The following CLIP1 variants were observed in gnomAD, a reference collection of about 807,000 sequenced individuals.
CLIP1 encodes the protein CAP-Gly domain-containing linker protein 1.
Under a neutral mutation model 161.6 loss-of-function variants are expected in CLIP1, and 66 were observed. That is an observed-to-expected ratio of 0.41 (90% CI 0.33 to 0.50). The LOEUF (loss-of-function observed/expected upper bound fraction) is 0.50. Among genes scored for constraint, CLIP1 ranks in the 20% least tolerant of loss-of-function variants. The pLI, the probability that CLIP1 is intolerant of heterozygous loss-of-function variation, is 0.27. For synonymous variants in CLIP1, 598 were observed against 626.2 expected (o/e 0.96, Z 0.67); for missense variants, 1,376 against 1,702.0 (o/e 0.81, Z 3.37).
At chr12:122,389,758 C>CAAAAAA (rs57168188) in intron 1 of CLIP1, among the ~76,000 whole-genome samples, 1,761 of 68,760 alleles carry the variant, frequency 0.026, 222 homozygotes, top group Non-Finnish European at 0.031. Context: ...GATCCTGTCT[C>CAAAAAA]AAAAAAAAAA....
At chr12:122,373,790 C>CA (rs1307376896) in intron 3 of CLIP1, among the ~76,000 whole-genome samples, 2 of 151,998 alleles carry the variant, frequency 1.3e-5, no homozygotes, top group African/African-American at 4.8e-5. Context: ...ACAAGTGCCC[C>CA]AAATCTACAG....
At chr12:122,294,686 C>G (rs1950402395) in intron 20 of CLIP1, among the ~76,000 whole-genome samples, 2 of 151,804 alleles carry the variant, frequency 1.3e-5, no homozygotes, top group Admixed American at 6.6e-5. Context: ...TACAATGAGT[C>G]AAGACTGCAC....
intron 8 of CLIP1, 80 bp downstream of exon 8, chr12:122,352,646 A>T: frequency 3.1e-6 from 4 of 1,296,894 alleles, no homozygotes; most frequent in Non-Finnish European, 4.5e-6. Flanking sequence ...CTGGCCGCTC[A>T]TTTCAATTGG....
chr12:122,343,140 T>G lies in CLIP1; in HGVS notation c.1507-1443A>C, dbSNP rs551085720. 356 of 140,296 alleles carry G rather than the reference T, an allele frequency of 2.5e-3. 1 individual carries two copies. The highest frequency in any genetic ancestry group is 9.3e-3 in the African/African-American group (334 of 36,012). 8.7% of individuals were successfully genotyped at this position (140,296 alleles called of 1,614,324 possible). A position where few individuals can be genotyped will look rare whatever the true frequency, so the allele number is the denominator to read the frequency against. On this transcript the variant is annotated intron_variant, in intron 10 of 25. Transcript: ENST00000620786. The stretch of plus-strand genomic sequence containing the variant: ...GAATGAAGAATTAATTTACTAAACT[T>G]TTTTTTTTTTTTTTTTTGAGATGGA...
chr12:122,380,680 A>G (rs1212124007), intron 1 of CLIP1, 122 bp from the exon 2 acceptor site: 1 of 350,114 alleles, frequency 2.9e-6, no homozygotes. Flanking sequence ...GGCTGAACCT[A>G]GGAACCTAGA....
At chr12:122,383,036 T>C (rs945575004) in intron 1 of CLIP1, among the ~76,000 whole-genome samples, 1 of 152,158 alleles carries the variant, frequency 6.6e-6, no homozygotes, top group African/African-American at 2.4e-5. Flanking sequence ...TAGAAGGGAT[T>C]GGCCAAGTCT....
chr12:122,384,866 C>T (rs935972720), intron 1 of CLIP1, among the ~76,000 whole-genome samples: 1 of 150,492 alleles, frequency 6.6e-6, no homozygotes, highest in Non-Finnish European at 1.5e-5. Flanking sequence ...AAGAAGATAC[C>T]TAAATTCAAC....
chr12:122,422,323 C>T (rs1956978892), intron 1 of CLIP1, among the ~76,000 whole-genome samples, 198 bp downstream of exon 1: 1 of 151,660 alleles, frequency 6.6e-6, no homozygotes, highest in Admixed American at 6.6e-5. Context: ...CCCCAGGGAC[C>T]CCCGGCCTCC....
rs1432832507 is a variant in CLIP1 at position 122,271,834 on chromosome 12, A to C, written c.*1041T>G. ...GAATTTCTCATCGTACATTCATCTA[A>C]AAACAGTAAAAAAACTTGTGAAGGG... On this transcript the variant is annotated 3_prime_UTR_variant, in exon 26 of 26. Coordinates refer to ENST00000620786, the MANE Select transcript of CLIP1 (RefSeq NM_001247997.2). 1 of 152,654 alleles carries C rather than the reference A, an allele frequency of 6.6e-6. No individual in the cohort carries two copies. The highest frequency in any genetic ancestry group is 1.9e-4 in the East Asian group (1 of 5,200). The allele number at this position is 152,654 out of a possible 1,614,324, so 9.5% of individuals were successfully genotyped here. A position where few individuals can be genotyped will look rare whatever the true frequency, so the allele number is the denominator to read the frequency against.
intron 3 of CLIP1, among the ~76,000 whole-genome samples, chr12:122,370,093 G>A (rs548934083): frequency 6.6e-6 from 1 of 151,490 alleles, no homozygotes; most frequent in Non-Finnish European, 1.5e-5. Flanking sequence ...AGCCCTGTAG[G>A]CAGAGGGTGC....
At chr12:122,379,735 G>C (rs1002882758) in intron 2 of CLIP1, among the ~76,000 whole-genome samples, 2 of 151,800 alleles carry the variant, frequency 1.3e-5, no homozygotes, top group Admixed American at 1.3e-4. Flanking sequence ...CTTGAGGTCA[G>C]GAGTTCAAGA....
chr12:122,281,330 T>C (rs186236691), intron 21 of CLIP1, among the ~76,000 whole-genome samples: 2 of 152,210 alleles, frequency 1.3e-5, no homozygotes, highest in African/African-American at 4.8e-5. Context: ...ATGAAAGGAA[T>C]GTACAGGTGC....
At chr12:122,328,449 G>C in intron 15 of CLIP1, 23 bp from the exon 16 acceptor site, 1 of 1,441,524 alleles carries the variant, frequency 6.9e-7, no homozygotes, top group South Asian at 1.5e-5. Flanking sequence ...TCAATATAAG[G>C]TGTCAGATTT....
intron 7 of CLIP1, among the ~76,000 whole-genome samples, chr12:122,353,851 G>A (rs575248501): frequency 3.3e-5 from 5 of 151,390 alleles, no homozygotes; most frequent in Admixed American, 6.6e-5. Context: ...CGTTGGTCTC[G>A]AACTTCTGAC....
At chr12:122,420,260 G>A (rs182314462) in intron 1 of CLIP1, among the ~76,000 whole-genome samples, 10 of 151,514 alleles carry the variant, frequency 6.6e-5, no homozygotes, top group Non-Finnish European at 1.3e-4. Context: ...CAGGAGAATC[G>A]CTTGAACCCA....
At chr12:122,329,113 G>A (rs1951826749) in intron 15 of CLIP1, among the ~76,000 whole-genome samples, 2 of 152,096 alleles carry the variant, frequency 1.3e-5, no homozygotes, top group Admixed American at 1.3e-4. Context: ...GATCATTTAA[G>A]TTCAGGAGTT....
chr12:122,291,428 G>A (rs1296509545), intron 20 of CLIP1, among the ~76,000 whole-genome samples: 1 of 152,178 alleles, frequency 6.6e-6, no homozygotes, highest in Non-Finnish European at 1.5e-5. Flanking sequence ...GACCTCAGGT[G>A]ATCCACCCGC....
rs201672010 is a variant in CLIP1, at chr12:122,328,351, G to T, written c.2943C>A (p.Asp981Glu). The change falls in exon 16 of 26, where the codon GAC becomes GAA. Residue 981 changes from aspartate (D) to glutamate (E), a missense_variant. Physicochemically the swap from Asp to Glu is conservative, Grantham distance 45. Transcript: ENST00000620786. ...GGCTCTGTTCAGCTTTGACAGTCAT[G>T]TCCTCAATACTTTTTTGCAGAAAAC... ...NASFLQKSIE[D>E]MTVKAEQSQQ... The T allele has an allele frequency of 6.2e-7, 1 of 1,613,778 alleles. No individual in the cohort carries two copies.
At chr12:122,393,849 T>C (rs1241784634) in intron 1 of CLIP1, among the ~76,000 whole-genome samples, 1 of 138,264 alleles carries the variant, frequency 7.2e-6, no homozygotes, top group Non-Finnish European at 1.5e-5. Context: ...GAGGCAGAAG[T>C]TGTGGTTAGC....
Sources: gnomAD v4.1 joint callset for allele counts (sites outside exome capture counted in the v4.1 genomes callset) on GRCh38, gnomAD v4.1.1 for gene constraint, MANE v1.5 for transcripts, NCBI Gene and HGNC (gene_info 2026-07-23, HGNC 2026-07-21) for gene names.